DCC: variants seen among roughly 807,000 people sequenced by gnomAD.
DCC encodes DCC netrin 1 receptor.
Under a neutral mutation model 172.5 loss-of-function variants are expected in DCC, and 58 were observed. The ratio of observed to expected loss-of-function variants is 0.34; its 90% CI spans 0.27 to 0.42. The LOEUF (loss-of-function observed/expected upper bound fraction) is 0.42. DCC is among the 10% of genes least tolerant of loss of function. DCC has a pLI of 1.00. For synonymous variants in DCC, 709 were observed against 644.5 expected, an observed-to-expected ratio of 1.10 and a Z score of -1.52; for missense variants, 1,740 against 1,791.0, an observed-to-expected ratio of 0.97 and a Z score of 0.51.
intron 7 of DCC, among the ~76,000 whole-genome samples, chr18:53,136,966 A>G (rs1568325962): frequency 1.3e-5 from 2 of 152,220 alleles, no homozygotes; most frequent in African/African-American, 4.8e-5. Context: ...TCCAGGCCCT[A>G]AAGGGCCATT....
At chr18:53,090,310 T>G (rs979571562) in intron 7 of DCC, among the ~76,000 whole-genome samples, 1 of 152,166 alleles carries the variant, frequency 6.6e-6, no homozygotes, top group African/African-American at 2.4e-5. Context: ...TCTCTCACTT[T>G]CTGATAGTGA....
intron 1 of DCC, among the ~76,000 whole-genome samples, chr18:52,348,444 T>C (rs1983974135): frequency 1.3e-5 from 2 of 152,188 alleles, no homozygotes; most frequent in African/African-American, 2.4e-5. Flanking sequence ...GCCTCTTTGC[T>C]TCATGCCTCT....
chr18:52,530,410 T>A (rs1292360610), intron 1 of DCC, among the ~76,000 whole-genome samples: 2 of 152,238 alleles, frequency 1.3e-5, no homozygotes, highest in African/African-American at 4.8e-5. Flanking sequence ...TAAACCCTAC[T>A]TTTACACTTT....
At chr18:52,362,419 A>G (rs1984658075) in intron 1 of DCC, among the ~76,000 whole-genome samples, 1 of 152,206 alleles carries the variant, frequency 6.6e-6, no homozygotes, top group African/African-American at 2.4e-5. Context: ...GACCACCAGC[A>G]TTGGTTGGTG....
intron 2 of DCC, among the ~76,000 whole-genome samples, chr18:52,865,107 C>T (rs565684409): frequency 1.7e-4 from 26 of 152,064 alleles, no homozygotes; most frequent in African/African-American, 3.1e-4. Context: ...CCTCGTGATC[C>T]TCCCGCCTTG....
At chr18:53,313,756 G>A (rs920278867) in intron 13 of DCC, among the ~76,000 whole-genome samples, 14 of 152,090 alleles carry the variant, frequency 9.2e-5, no homozygotes, top group African/African-American at 3.4e-4. Flanking sequence ...GTCTCTCTTG[G>A]GTTCTAGCAT....
At chr18:53,461,925 G>A (rs530556432) in intron 24 of DCC, among the ~76,000 whole-genome samples, 63 of 152,344 alleles carry the variant, frequency 4.1e-4, no homozygotes, top group African/African-American at 1.5e-3. Context: ...GTACATTGGA[G>A]TGAAATGGAA....
chr18:53,114,566 T>A (rs2043383314), intron 7 of DCC, among the ~76,000 whole-genome samples: 1 of 151,438 alleles, frequency 6.6e-6, no homozygotes, highest in African/African-American at 2.4e-5. Flanking sequence ...AAGCCACAAT[T>A]TTTTTTTAAA....
chr18:53,369,238 T>C (rs1276742027), intron 15 of DCC, among the ~76,000 whole-genome samples: 1 of 151,954 alleles, frequency 6.6e-6, no homozygotes, highest in African/African-American at 2.4e-5. Context: ...AGATTGTTCA[T>C]TGTTATTTTA....
intron 24 of DCC, among the ~76,000 whole-genome samples, chr18:53,460,274 GTTTTTTTTTTT>G (rs766940670): frequency 2.5e-5 from 2 of 81,092 alleles, no homozygotes; most frequent in South Asian, 1.0e-3. Flanking sequence ...AGGAGCTCCT[GTTTTTTTTTTT>G]TTTTTTTTTT....
rs118038870 is a variant in DCC, at chr18:53,207,553, G to C, written c.1723-126G>C. 4.4e-6 allele frequency: 4 copies of C among 899,098 alleles called. 1 individual carries two copies. In the Admixed American group the frequency reaches 7.8e-5, roughly 17 times the overall value. The allele number at this position is 899,098 out of a possible 1,614,324, so 55.7% of individuals were successfully genotyped here. A position where few individuals can be genotyped will look rare whatever the true frequency, so the allele number is the denominator to read the frequency against. On this transcript the variant is annotated intron_variant, in intron 10 of 28. Transcript: ENST00000442544. ...TCTGTGTCACAAGGTAGGTTTTATA[G>C]CTCATTAGAAGGCTGGAGTGTAGTT...
At chr18:53,117,996 C>G (rs1421171676) in intron 7 of DCC, among the ~76,000 whole-genome samples, 1 of 151,752 alleles carries the variant, frequency 6.6e-6, no homozygotes, top group Non-Finnish European at 1.5e-5. Flanking sequence ...GTCATCTTTA[C>G]CAGCCTCTAC....
chr18:53,274,207 T>G (rs747134877), intron 12 of DCC, among the ~76,000 whole-genome samples: 63 of 152,272 alleles, frequency 4.1e-4, no homozygotes, highest in Non-Finnish European at 7.2e-4. Flanking sequence ...CCTCTTTATA[T>G]TTCAGTGTAG....
At chr18:53,145,105 C>CTT (rs57501246) in intron 7 of DCC, among the ~76,000 whole-genome samples, 2,086 of 36,914 alleles carry the variant, frequency 0.057, 850 homozygotes, top group Non-Finnish European at 0.069. Context: ...GAGGGCTCTG[C>CTT]TTTTTTTTTT....
chr18:53,248,486 C>T (rs2056391509), intron 12 of DCC, among the ~76,000 whole-genome samples: 1 of 152,018 alleles, frequency 6.6e-6, no homozygotes, highest in Non-Finnish European at 1.5e-5. Flanking sequence ...TCTTGTCCTT[C>T]TTCCCAACTG....
intron 12 of DCC, among the ~76,000 whole-genome samples, chr18:53,280,517 G>A (rs374647498): frequency 1.6e-4 from 25 of 152,214 alleles, no homozygotes; most frequent in African/African-American, 6.0e-4. Flanking sequence ...GTAGGATGAA[G>A]GAGCATGCTC....
intron 2 of DCC, among the ~76,000 whole-genome samples, chr18:52,849,052 G>T (rs1282622808): frequency 6.6e-6 from 1 of 152,034 alleles, no homozygotes; most frequent in South Asian, 2.1e-4. Flanking sequence ...TCTTCCTGCT[G>T]CTGAATTCCT....
Position 53,494,747 on chromosome 18 carries a change from G to A in DCC, c.3899-4551G>A, listed in dbSNP as rs143619000. 3.9e-5 allele frequency among the ~76,000 whole-genome samples: 6 copies of A among 152,266 alleles called. No homozygotes were observed. In the East Asian group the frequency reaches 1.2e-3, roughly 29 times the overall value. On this transcript the variant is annotated intron_variant, in intron 26 of 28. Transcript: ENST00000442544. Reference sequence around the variant, plus strand: ...TCTCCTGAATACAGCACACTGATGGGTCTTGATTCTTTATCCAATTTGCCA... The same window carrying A: ...TCTCCTGAATACAGCACACTGATGGATCTTGATTCTTTATCCAATTTGCCA...
chr18:52,547,563 T>C (rs2032651449), intron 1 of DCC, among the ~76,000 whole-genome samples: 1 of 152,096 alleles, frequency 6.6e-6, no homozygotes, highest in Non-Finnish European at 1.5e-5. Flanking sequence ...CATAAATAAC[T>C]CTATATACCA....
Sources: gnomAD v4.1 joint callset for allele counts (sites outside exome capture counted in the v4.1 genomes callset) on GRCh38, gnomAD v4.1.1 for gene constraint, MANE v1.5 for transcripts, NCBI Gene and HGNC (gene_info 2026-07-23, HGNC 2026-07-21) for gene names.